The following HGF variants were observed in gnomAD, a reference collection of about 807,000 sequenced individuals.
HGF encodes hepatocyte growth factor, also known as fibroblast-derived tumor cytotoxic factor.
HGF carries 39 observed loss-of-function variants against 111.6 expected under a neutral mutation model. The ratio of observed to expected loss-of-function variants is 0.35; its 90% CI spans 0.27 to 0.46. The LOEUF (loss-of-function observed/expected upper bound fraction) is 0.46, where lower values mean the gene tolerates loss of function less well. Among genes scored for constraint, HGF ranks in the 20% least tolerant of loss-of-function variants. The probability of loss-of-function intolerance (pLI) is 1.00; values close to 1 mark genes in which losing one functional copy is unlikely to be tolerated. For synonymous variants in HGF, 285 were observed against 294.8 expected, an observed-to-expected ratio of 0.97 and a Z score of 0.34; for missense variants, 735 against 910.5, an observed-to-expected ratio of 0.81 and a Z score of 2.48.
chr7:81,753,161 T>C (rs1479666438), intron 4 of HGF, among the ~76,000 whole-genome samples: 1 of 152,092 alleles, frequency 6.6e-6, no homozygotes, highest in African/African-American at 2.4e-5. Flanking sequence ...AGTGCCCTAC[T>C]CTTAGTGTTA....
intron 11 of HGF, among the ~76,000 whole-genome samples, chr7:81,715,736 A>G (rs1789693302): frequency 6.6e-6 from 1 of 152,146 alleles, no homozygotes; most frequent in African/African-American, 2.4e-5. Flanking sequence ...TTAATTTGAC[A>G]TAAATTCTAG....
chr7:81,734,107 A>G (rs1787750642), intron 7 of HGF, among the ~76,000 whole-genome samples: 1 of 152,158 alleles, frequency 6.6e-6, no homozygotes, highest in Non-Finnish European at 1.5e-5. Context: ...TATCAGCTGA[A>G]GTTGATTGTT....
At chr7:81,722,843 A>G (rs1789903663) in intron 9 of HGF, among the ~76,000 whole-genome samples, 1 of 148,406 alleles carries the variant, frequency 6.7e-6, no homozygotes, top group Non-Finnish European at 1.5e-5. Flanking sequence ...AAATTTAAAA[A>G]GGTATATATA....
intron 7 of HGF, 91 bp from the exon 8 acceptor site, chr7:81,729,870 C>A (rs1787588077): frequency 3.3e-6 from 4 of 1,199,072 alleles, no homozygotes; most frequent in Non-Finnish European, 3.5e-6. Flanking sequence ...TTTGTATTAG[C>A]AGATTTTTTT....
At chr7:81,766,799 C>T (rs1245998718) in intron 1 of HGF, among the ~76,000 whole-genome samples, 1 of 152,200 alleles carries the variant, frequency 6.6e-6, no homozygotes, top group Non-Finnish European at 1.5e-5. Context: ...GGAACTGAAG[C>T]AACCACACTG....
At chr7:81,709,393 A>G (rs1285164006) in intron 13 of HGF, among the ~76,000 whole-genome samples, 1 of 152,202 alleles carries the variant, frequency 6.6e-6, no homozygotes, top group Non-Finnish European at 1.5e-5. Context: ...AGACATAAAT[A>G]TTTTAGCATT....
Position 81,710,224 on chromosome 7 carries a change from G to A in HGF, c.1464C>T (p.Ala488=). ...VNLDHPVISC[A]KTKQLRVVNG... ...TTACAACTCGCAATTGTTTCGTTTT[G>A]GCACAAGATATTACGGGATCTGAAA... The change falls in exon 13 of 18, where the codon GCC becomes GCT. Residue 488 remains alanine, a synonymous_variant. Coordinates refer to ENST00000222390, the MANE Select transcript of HGF (RefSeq NM_000601.6). 1 of 1,612,772 alleles carries A rather than the reference G, an allele frequency of 6.2e-7. No individual in the cohort carries two copies. Among genetic ancestry groups the A allele is most frequent in the Non-Finnish European group, 8.5e-7 (1 of 1,178,950 alleles).
At chr7:81,747,269 A>C (rs943496032) in intron 5 of HGF, among the ~76,000 whole-genome samples, 1 of 151,920 alleles carries the variant, frequency 6.6e-6, no homozygotes, top group African/African-American at 2.4e-5. Context: ...AACCCGGGAG[A>C]TGGAGCTTGC....
chr7:81,770,042 G>C lies in HGF; in HGVS notation c.-71C>G. 1 of 1,137,910 alleles carries C rather than the reference G, an allele frequency of 8.8e-7. No individual in the cohort carries two copies. The highest frequency in any genetic ancestry group is 1.3e-6 in the Non-Finnish European group (1 of 776,874). The allele number at this position is 1,137,910 out of a possible 1,614,324, so 70.5% of individuals were successfully genotyped here. A position where few individuals can be genotyped will look rare whatever the true frequency, so the allele number is the denominator to read the frequency against. On this transcript the variant is annotated 5_prime_UTR_variant, in exon 1 of 18. Coordinates refer to ENST00000222390, the MANE Select transcript of HGF (RefSeq NM_000601.6). ...GGTGAAAGAATCCTGTTCGGAGTCA[G>C]TGCCTAAAAGAGCCAGTCGGCTCTG... is the stretch of plus-strand genomic sequence containing the variant.
chr7:81,730,712 T>C (rs1787623844), intron 7 of HGF, among the ~76,000 whole-genome samples: 2 of 152,172 alleles, frequency 1.3e-5, no homozygotes, highest in African/African-American at 4.8e-5. Context: ...TCAATCAAAA[T>C]GTAACTCAAA....
chr7:81,768,538 C>T (rs1434316079), intron 1 of HGF, among the ~76,000 whole-genome samples: 1 of 152,208 alleles, frequency 6.6e-6, no homozygotes, highest in Non-Finnish European at 1.5e-5. Flanking sequence ...TGCCACCACG[C>T]CTGGCTAATT....
At chr7:81,750,934 A>G in intron 5 of HGF, 2 of 914,286 alleles carry the variant, frequency 2.2e-6, no homozygotes, top group Non-Finnish European at 2.6e-6. Context: ...TTAAAAGAAA[A>G]GAAAACAATG....
intron 1 of HGF, among the ~76,000 whole-genome samples, chr7:81,768,167 T>C (rs1024353941): frequency 6.6e-6 from 1 of 152,192 alleles, no homozygotes; most frequent in Non-Finnish European, 1.5e-5. Context: ...TCATAATGCA[T>C]GCCGAAAACA....
intron 1 of HGF, among the ~76,000 whole-genome samples, chr7:81,769,385 C>T (rs1250279735): frequency 6.6e-6 from 1 of 152,198 alleles, no homozygotes; most frequent in Non-Finnish European, 1.5e-5. Context: ...AGAGTTTATT[C>T]TGCCTCCTCA....
At chr7:81,713,989 C>CGTGTGTGT (rs10539468) in intron 11 of HGF, among the ~76,000 whole-genome samples, 199 of 142,418 alleles carry the variant, frequency 1.4e-3, no homozygotes, top group African/African-American at 4.5e-3. Flanking sequence ...GGTGTGTGTG[C>CGTGTGTGT]GTGTGTGTGT....
intron 7 of HGF, among the ~76,000 whole-genome samples, chr7:81,740,965 T>C (rs1195764450): frequency 6.6e-6 from 1 of 152,196 alleles, no homozygotes; most frequent in Non-Finnish European, 1.5e-5. Flanking sequence ...TAATTTGTTA[T>C]GCCACAATAG....
intron 12 of HGF, among the ~76,000 whole-genome samples, chr7:81,710,565 A>G (rs1460598119): frequency 6.6e-6 from 1 of 152,176 alleles, no homozygotes; most frequent in Non-Finnish European, 1.5e-5. Context: ...CACCCTCAAC[A>G]TAAAATAAAC....
chr7:81,764,269 TGAA>T (rs1289304324), intron 1 of HGF, among the ~76,000 whole-genome samples: 3 of 152,120 alleles, frequency 2.0e-5, no homozygotes, highest in Admixed American at 1.3e-4. Flanking sequence ...CATCCTAATT[TGAA>T]GGCTGCAATA....
chr7:81,748,807 C>T (rs2116082663), intron 5 of HGF, among the ~76,000 whole-genome samples: 1 of 152,264 alleles, frequency 6.6e-6, no homozygotes, highest in South Asian at 2.1e-4. Context: ...TAGAATACTA[C>T]AAAAACTGTA....
Sources: allele counts gnomAD v4.1 joint callset (sites outside exome capture counted in the v4.1 genomes callset), GRCh38; gene constraint gnomAD v4.1.1; transcripts MANE v1.5; gene names NCBI Gene and HGNC (gene_info 2026-07-23, HGNC 2026-07-21).